LASP1: variants seen among roughly 807,000 people sequenced by gnomAD.
LASP1 encodes LIM and SH3 protein 1.
Under a neutral mutation model 38.6 loss-of-function variants are expected in LASP1, and 10 were observed. The observed-to-expected ratio is 0.26, with a 90% confidence interval of 0.16 to 0.44. The LOEUF (loss-of-function observed/expected upper bound fraction) is 0.44. Among genes scored for constraint, LASP1 ranks in the 20% least tolerant of loss-of-function variants. LASP1 has a pLI of 1.00. For synonymous variants in LASP1, 132 were observed against 140.8 expected (o/e 0.94, Z 0.44); for missense variants, 243 against 375.7 (o/e 0.65, Z 2.92).
intron 1 of LASP1, among the ~76,000 whole-genome samples, chr17:38,876,733 A>G (rs1598103655): frequency 7.0e-6 from 1 of 142,360 alleles, no homozygotes; most frequent in African/African-American, 2.6e-5. Flanking sequence ...TGTGTCCCAC[A>G]TTCTCTTTTT....
In LASP1 at chr17:38,918,668, G is replaced by A; in HGVS notation, c.676G>A (p.Gly226Arg). 1.9e-6 allele frequency: 3 copies of A among 1,613,908 alleles called. No homozygotes were observed. Among genetic ancestry groups the A allele is most frequent in the Non-Finnish European group, 2.5e-6 (3 of 1,179,828 alleles). The change falls in exon 7 of 7, where the codon GGG (glycine) becomes AGG (arginine). Residue 226 changes from glycine (G) to arginine (R), a missense_variant. Gly to Arg is a moderately radical substitution (Grantham distance 125). This residue lies in a region of LASP1 where 165 missense variants were observed against 210.3 expected (regional missense o/e 0.78). Transcript: ENST00000318008. This position sits in a 1 kb window ranked among gnomAD's most constrained non-coding sequence, Gnocchi z 4.4. ...CGAGGACGAGGTCTCCTTCCAGGAC[G>A]GGGACACCATCGTCAACGTGCAGCA... Reference protein sequence around the residue: ...ADEDEVSFQDGDTIVNVQQID... With the variant: ...ADEDEVSFQDRDTIVNVQQID...
chr17:38,879,465 A>AT (rs564126217), intron 2 of LASP1, among the ~76,000 whole-genome samples: 16 of 143,820 alleles, frequency 1.1e-4, no homozygotes, highest in East Asian at 6.1e-4. Context: ...CCTTAATTCG[A>AT]TTTTTTTTTT....
chr17:38,906,047 G>A (rs1338676298), intron 4 of LASP1, among the ~76,000 whole-genome samples: 1 of 152,046 alleles, frequency 6.6e-6, no homozygotes, highest in African/African-American at 2.4e-5. Context: ...GTGACAGAGC[G>A]AGACCCTGTC....
chr17:38,897,214 G>T, intron 3 of LASP1: 1 of 443,400 alleles, frequency 2.3e-6, no homozygotes, highest in Non-Finnish European at 3.0e-6. Flanking sequence ...GTGACTGGGG[G>T]CTTCAGGAGA....
chr17:38,907,297 C>T (rs1295000726), intron 4 of LASP1, among the ~76,000 whole-genome samples: 1 of 152,108 alleles, frequency 6.6e-6, no homozygotes, highest in East Asian at 1.9e-4. Context: ...GTCCCTCTCT[C>T]TCGAGTTAGG....
At chr17:38,891,130 A>C (rs1359067271) in intron 3 of LASP1, among the ~76,000 whole-genome samples, 1 of 150,448 alleles carries the variant, frequency 6.6e-6, no homozygotes, top group Admixed American at 6.6e-5. Context: ...AGTCCTGAGA[A>C]CAGAACAGCT....
At chr17:38,914,179 C>A in intron 4 of LASP1, 146 bp from the exon 5 acceptor site, 1 of 932,142 alleles carries the variant, frequency 1.1e-6, no homozygotes, top group Non-Finnish European at 1.6e-6. Context: ...TCCAAGGACA[C>A]ACAGCTGGTG....
At chr17:38,909,278 A>G (rs563616143) in intron 4 of LASP1, among the ~76,000 whole-genome samples, 9 of 151,988 alleles carry the variant, frequency 5.9e-5, no homozygotes, top group South Asian at 4.2e-4. Flanking sequence ...ACACCTTTCT[A>G]TGGTTGTACC....
intron 4 of LASP1, chr17:38,898,861 CTG>C: frequency 2.4e-6 from 1 of 419,428 alleles, no homozygotes; most frequent in South Asian, 1.7e-5. Flanking sequence ...AAGGTCAAAA[CTG>C]GGGGGCGGGG....
intron 4 of LASP1, among the ~76,000 whole-genome samples, chr17:38,901,202 G>A (rs939920672): frequency 6.6e-6 from 1 of 152,192 alleles, no homozygotes; most frequent in Non-Finnish European, 1.5e-5. Context: ...CTTTCTGGAA[G>A]GCTTCCAGAA....
rs1420751062 is a variant in LASP1 at position 38,914,425 on chromosome 17, G to A, written c.458G>A (p.Arg153Gln). ...GATTCACAGGACGGCAGCAGCTACC[G>A]GCGGCCCCTGGAGCAGCAGCAGCCT... Reference protein sequence around the residue: ...RRDSQDGSSYRRPLEQQQPHH... With the variant: ...RRDSQDGSSYQRPLEQQQPHH... Residue 153 changes from arginine to glutamine, a missense_variant, in exon 5 of 7, where the codon CGG becomes CAG. Transcript: ENST00000318008. The A allele has an allele frequency of 1.6e-5, 25 of 1,611,280 alleles. No individual in the cohort carries two copies. The highest frequency in any genetic ancestry group is 1.9e-5 in the Non-Finnish European group (22 of 1,179,842).
rs1331159015 is a variant in LASP1, at chr17:38,908,809, G to A, written c.358-5516G>A. Among the ~76,000 whole-genome samples the A allele has an allele frequency of 3.3e-5, 5 of 152,242 alleles. No individual in the cohort carries two copies. In the East Asian group the frequency reaches 5.8e-4, roughly 18 times the overall value. ...CATGCAGGTGTTTCCAGCTGTTAAC[G>A]TGTAAGCCCTGCCTGGCCACGTGCT... On this transcript the variant is annotated intron_variant, in intron 4 of 6. Coordinates refer to ENST00000318008, the MANE Select transcript of LASP1 (RefSeq NM_006148.4).
At chr17:38,882,557 T>C (rs1913985897) in intron 2 of LASP1, among the ~76,000 whole-genome samples, 5 of 152,212 alleles carry the variant, frequency 3.3e-5, no homozygotes. Flanking sequence ...GAATTCTTTC[T>C]TGAAGCTTCT....
intron 3 of LASP1, among the ~76,000 whole-genome samples, chr17:38,893,434 A>G (rs765960219): frequency 1.4e-4 from 21 of 152,176 alleles, no homozygotes; most frequent in Non-Finnish European, 2.8e-4. Flanking sequence ...AGATGGGTCC[A>G]TGGGCAGGAG....
chr17:38,898,851 A>G, intron 4 of LASP1: 1 of 438,334 alleles, frequency 2.3e-6, no homozygotes, highest in South Asian at 1.6e-5. Flanking sequence ...TCTTAGCACA[A>G]AGGTCAAAAC....
At chr17:38,903,672 A>T (rs1914703727) in intron 4 of LASP1, 1 of 152,238 alleles carries the variant, frequency 6.6e-6, no homozygotes, top group Non-Finnish European at 1.5e-5. Context: ...TTACAGGCAC[A>T]CGCCATCACA....
intron 2 of LASP1, among the ~76,000 whole-genome samples, chr17:38,879,763 T>C (rs1475080901): frequency 6.6e-6 from 1 of 152,080 alleles, no homozygotes; most frequent in African/African-American, 2.4e-5. Context: ...TTTTAGGGGC[T>C]CGCTCATTCA....
rs1915212370 is a variant in LASP1 at position 38,918,809 on chromosome 17, A to G, written c.*31A>G. 1 of 1,608,920 alleles carries G rather than the reference A, an allele frequency of 6.2e-7. No homozygotes were observed. Among genetic ancestry groups the G allele is most frequent in the East Asian group, 2.2e-5 (1 of 44,770 alleles). On this transcript the variant is annotated 3_prime_UTR_variant, in exon 7 of 7. Transcript: ENST00000318008. The surrounding 1 kb of genome is among the most constrained non-coding windows in gnomAD (Gnocchi z 4.4). ...CAGCGCCCCCATCTGTCTTCAGCAC[A>G]TTCCACGGCATCGCATCCGTCCTGG...
intron 4 of LASP1, chr17:38,904,005 C>T (rs1914712500): frequency 6.6e-6 from 1 of 152,098 alleles, no homozygotes. Context: ...TTACTGGAGC[C>T]TCTTCTTTTA....
Sources: allele counts gnomAD v4.1 joint callset (sites outside exome capture counted in the v4.1 genomes callset), GRCh38; gene constraint gnomAD v4.1.1; regional missense constraint gnomAD v4.1.1; non-coding constraint Gnocchi (gnomAD v3.1); transcripts MANE v1.5; gene names NCBI Gene and HGNC (gene_info 2026-07-23, HGNC 2026-07-21).